Variants in MNAT1 observed in about 807,000 individuals in gnomAD.
MNAT1 encodes the protein MNAT1 component of CDK activating kinase, also known as CDK-activating kinase assembly factor MAT1.
MNAT1 carries 43 observed loss-of-function variants against 42.0 expected under a neutral mutation model. That is an observed-to-expected ratio of 1.02 (90% CI 0.80 to 1.32). The LOEUF (loss-of-function observed/expected upper bound fraction) is 1.32. Ranked by LOEUF, MNAT1 falls within the 40% of genes most tolerant of loss-of-function variation. MNAT1 has a pLI of 0.00. For synonymous variants in MNAT1, 118 were observed against 120.0 expected, an observed-to-expected ratio of 0.98 and a Z score of 0.11; for missense variants, 306 against 350.4, an observed-to-expected ratio of 0.87 and a Z score of 1.01.
chr14:60,843,619 A>G (rs1294882289), intron 6 of MNAT1, among the ~76,000 whole-genome samples: 1 of 152,068 alleles, frequency 6.6e-6, no homozygotes, highest in Non-Finnish European at 1.5e-5. Flanking sequence ...TTAAAATCTT[A>G]TGTCCATTAA....
chr14:60,908,593 A>G (rs1247262418), intron 7 of MNAT1, among the ~76,000 whole-genome samples: 2 of 151,074 alleles, frequency 1.3e-5, no homozygotes, highest in East Asian at 3.9e-4. Context: ...TGTCCTTGCG[A>G]TAGTTTGCTG....
chr14:60,851,154 A>G (rs1406088341), intron 6 of MNAT1, among the ~76,000 whole-genome samples: 1 of 152,240 alleles, frequency 6.6e-6, no homozygotes, highest in Admixed American at 6.5e-5. Context: ...TACTGGGAGC[A>G]GTAAACAAGA....
At chr14:60,746,921 TATACACACAC>T (rs1192894935) in intron 1 of MNAT1, among the ~76,000 whole-genome samples, 1 of 41,598 alleles carries the variant, frequency 2.4e-5, no homozygotes, top group African/African-American at 1.1e-4. Flanking sequence ...TATATATATA[TATACACACAC>T]ACACACACAC....
chr14:60,908,934 CA>C (rs2035279748), intron 7 of MNAT1, among the ~76,000 whole-genome samples: 1 of 152,190 alleles, frequency 6.6e-6, no homozygotes, highest in South Asian at 2.1e-4. Context: ...TTTACAGTCC[CA>C]CCAACAGTGT....
At chr14:60,824,913 T>C (rs1170767439) in intron 6 of MNAT1, among the ~76,000 whole-genome samples, 1 of 152,186 alleles carries the variant, frequency 6.6e-6, no homozygotes, top group African/African-American at 2.4e-5. Flanking sequence ...TAAGTTATAT[T>C]ACTCTCAATG....
chr14:60,886,118 A>G (rs917703764), intron 7 of MNAT1, among the ~76,000 whole-genome samples: 1 of 151,910 alleles, frequency 6.6e-6, no homozygotes, highest in Non-Finnish European at 1.5e-5. Flanking sequence ...CAATGTGTAT[A>G]TGTTTGTTTT....
chr14:60,763,994 G>A (rs1289614701), intron 1 of MNAT1, among the ~76,000 whole-genome samples: 1 of 152,098 alleles, frequency 6.6e-6, no homozygotes, highest in Non-Finnish European at 1.5e-5. Flanking sequence ...TTACTGTCTG[G>A]GTTTATGTTT....
intron 7 of MNAT1, among the ~76,000 whole-genome samples, chr14:60,950,563 T>G (rs562582429): frequency 6.6e-6 from 1 of 152,192 alleles, no homozygotes; most frequent in South Asian, 2.1e-4. Context: ...CAACACAAAT[T>G]CGTAAACTTT....
intron 3 of MNAT1, among the ~76,000 whole-genome samples, chr14:60,803,577 A>G (rs1275852461): frequency 1.3e-5 from 2 of 152,156 alleles, no homozygotes; most frequent in Non-Finnish European, 2.9e-5. Context: ...ATGGAGTTCT[A>G]TGGAATTATT....
chr14:60,947,273 GGGAATGACA>G (rs1191583850), intron 7 of MNAT1, among the ~76,000 whole-genome samples: 1 of 152,044 alleles, frequency 6.6e-6, no homozygotes, highest in Non-Finnish European at 1.5e-5. Context: ...CCATTACAGT[GGGAATGACA>G]GGTCCAGAGC....
At chr14:60,816,831 G>T (rs968353379) in intron 5 of MNAT1, among the ~76,000 whole-genome samples, 6 of 151,988 alleles carry the variant, frequency 3.9e-5, no homozygotes, top group South Asian at 4.1e-4. Flanking sequence ...GAATAAAGTA[G>T]GTTGGAACTA....
At chr14:60,815,138 G>GACA (rs2032671673) in intron 5 of MNAT1, among the ~76,000 whole-genome samples, 2 of 151,756 alleles carry the variant, frequency 1.3e-5, no homozygotes, top group African/African-American at 2.4e-5. Flanking sequence ...AACATTTTAT[G>GACA]TTCCATCTAA....
chr14:60,960,741 C>A (rs998196280), intron 7 of MNAT1, among the ~76,000 whole-genome samples: 4 of 152,104 alleles, frequency 2.6e-5, no homozygotes, highest in Admixed American at 1.3e-4. Context: ...CATATTCCCA[C>A]CCCCATATCC....
At chr14:60,861,069 A>T (rs2034083621) in intron 6 of MNAT1, among the ~76,000 whole-genome samples, 1 of 152,122 alleles carries the variant, frequency 6.6e-6, no homozygotes, top group African/African-American at 2.4e-5. Flanking sequence ...TACATATTTA[A>T]TGAATCTTTT....
intron 7 of MNAT1, among the ~76,000 whole-genome samples, chr14:60,904,263 T>G (rs971910699): frequency 1.3e-5 from 2 of 152,322 alleles, no homozygotes; most frequent in South Asian, 4.1e-4. Flanking sequence ...AACTGCAATA[T>G]GCATGTGTAT....
chr14:60,915,391 T>A (rs934805795), intron 7 of MNAT1, among the ~76,000 whole-genome samples: 7 of 152,192 alleles, frequency 4.6e-5, no homozygotes, highest in African/African-American at 1.7e-4. Context: ...AATATGAAAA[T>A]CTTATTTTCA....
intron 6 of MNAT1, among the ~76,000 whole-genome samples, chr14:60,875,090 G>A (rs1271581803): frequency 6.6e-6 from 1 of 151,976 alleles, no homozygotes; most frequent in Non-Finnish European, 1.5e-5. Flanking sequence ...AACTACCACT[G>A]AGTAATGTTT....
intron 1 of MNAT1, among the ~76,000 whole-genome samples, chr14:60,781,268 CAAA>C (rs2031451068): frequency 6.6e-6 from 1 of 151,590 alleles, no homozygotes; most frequent in Non-Finnish European, 1.5e-5. Flanking sequence ...TTGTTAAAAA[CAAA>C]AAAAGAAGCA....
chr14:60,882,134 C>G (rs1318125170), intron 7 of MNAT1, among the ~76,000 whole-genome samples: 1 of 152,140 alleles, frequency 6.6e-6, no homozygotes, highest in East Asian at 1.9e-4. Flanking sequence ...GCACTCTAGC[C>G]TGGGTGACAA....
Sources: allele counts gnomAD v4.1 joint callset (sites outside exome capture counted in the v4.1 genomes callset), GRCh38; gene constraint gnomAD v4.1.1; transcripts MANE v1.5; gene names NCBI Gene and HGNC (gene_info 2026-07-23, HGNC 2026-07-21).